TARBP1: variants seen among roughly 807,000 people sequenced by gnomAD.
TARBP1 encodes the protein tRNA guanosine 2 -O-methyltransferase TARBP1.
A neutral mutation model predicts 178.6 loss-of-function variants in TARBP1; 144 were observed. That is an observed-to-expected ratio of 0.81 (90% CI 0.70 to 0.93). The LOEUF (loss-of-function observed/expected upper bound fraction) is 0.93. Ranked by LOEUF, TARBP1 falls within the 40% of genes least tolerant of loss-of-function variation. The pLI is 0.00. For missense variants in TARBP1, 2,067 were observed against 2,011.7 expected, an observed-to-expected ratio of 1.03 and a Z score of -0.53; for synonymous variants, 787 against 781.0, an observed-to-expected ratio of 1.01 and a Z score of -0.13.
chr1:234,474,165 G>C (rs920604657), intron 1 of TARBP1, among the ~76,000 whole-genome samples: 1 of 151,666 alleles, frequency 6.6e-6, no homozygotes, highest in African/African-American at 2.4e-5. Flanking sequence ...GATCACTTGA[G>C]CCCAGTATTT....
At chr1:234,459,073 G>A (rs183563527) in intron 8 of TARBP1, among the ~76,000 whole-genome samples, 157 bp downstream of exon 8, 10 of 152,304 alleles carry the variant, frequency 6.6e-5, no homozygotes, top group African/African-American at 1.9e-4. Flanking sequence ...ACTATTTAGA[G>A]AGATCATATG....
At chr1:234,440,430 T>C (rs1665469636) in intron 12 of TARBP1, among the ~76,000 whole-genome samples, 2 of 148,404 alleles carry the variant, frequency 1.3e-5, no homozygotes, top group South Asian at 4.2e-4. Context: ...GTCAATAAAA[T>C]GATAAACCAC....
intron 5 of TARBP1, among the ~76,000 whole-genome samples, chr1:234,464,972 A>G (rs544944680): frequency 6.6e-6 from 1 of 152,348 alleles, no homozygotes; most frequent in Non-Finnish European, 1.5e-5. Context: ...ACTGTCAGAT[A>G]CGGAAAGGAA....
chr1:234,419,377 ATCAT>A (rs576412095), intron 21 of TARBP1, among the ~76,000 whole-genome samples: 259 of 152,202 alleles, frequency 1.7e-3, no homozygotes, highest in African/African-American at 5.8e-3. Context: ...TTCCACCTCT[ATCAT>A]TCACCACTAG....
intron 11 of TARBP1, among the ~76,000 whole-genome samples, chr1:234,447,646 G>A (rs955470771): frequency 1.1e-4 from 17 of 152,096 alleles, no homozygotes; most frequent in African/African-American, 3.6e-4. Flanking sequence ...GTCTAGAAAA[G>A]AGATTTGATG....
At chr1:234,401,511 G>A (rs188309397) in intron 24 of TARBP1, among the ~76,000 whole-genome samples, 1 of 152,102 alleles carries the variant, frequency 6.6e-6, no homozygotes, top group Admixed American at 6.5e-5. Context: ...TTTTCCAGGA[G>A]AGAAAACCAT....
chr1:234,410,731 G>A lies in TARBP1; in HGVS notation c.3706-200C>T, dbSNP rs527886645. Among the ~76,000 whole-genome samples the A allele has an allele frequency of 2.6e-5, 4 of 152,320 alleles. No individual in the cohort carries two copies. In the East Asian group the frequency reaches 7.7e-4, roughly 29 times the overall value. On this transcript the variant is annotated intron_variant, in intron 22 of 29. Coordinates refer to ENST00000040877, the MANE Select transcript of TARBP1 (RefSeq NM_005646.4). ...AAGGAAATATTTCCTAGAGCCAAAT[G>A]CCAGTGCACACAAAAATCAGCAGGT...
rs1049864703 is a variant in TARBP1, at chr1:234,435,825, A to G, written c.2232+1450T>C. ...GCCAGCATCGCAAAGACCGAAGATCATATCTCTTTCCAACTCAGTGGCCTC... is the reference window on the plus strand; with the variant it reads ...GCCAGCATCGCAAAGACCGAAGATCGTATCTCTTTCCAACTCAGTGGCCTC... On this transcript the variant is annotated intron_variant, in intron 13 of 29. Transcript: ENST00000040877. Among the ~76,000 whole-genome samples the G allele has an allele frequency of 3.9e-5, 6 of 152,200 alleles. 1 individual carries two copies. Among genetic ancestry groups the G allele is most frequent in the African/African-American group, 1.4e-4 (6 of 41,458 alleles).
At position 234,460,515 on chromosome 1, in the gene TARBP1, A is replaced by G. The variant is rs889216410; in HGVS notation, c.1400-119T>C. Reference sequence around the variant, plus strand: ...CATAGTAAGGCTCCACTTCCCACACACTATGATGGCTATAATCTAAAGGAC... The same window carrying G: ...CATAGTAAGGCTCCACTTCCCACACGCTATGATGGCTATAATCTAAAGGAC... On this transcript the variant is annotated intron_variant, in intron 6 of 29. Coordinates refer to ENST00000040877, the MANE Select transcript of TARBP1 (RefSeq NM_005646.4). The G allele has an allele frequency of 1.2e-5, 12 of 1,006,136 alleles. No homozygotes were observed. In the Admixed American group the frequency reaches 2.7e-4, roughly 23 times the overall value. 62.3% of individuals were successfully genotyped at this position (1,006,136 alleles called of 1,614,324 possible).
intron 14 of TARBP1, among the ~76,000 whole-genome samples, chr1:234,431,527 T>C (rs754336118): frequency 3.9e-5 from 6 of 152,254 alleles, no homozygotes; most frequent in African/African-American, 1.4e-4. Flanking sequence ...GTATCTTCTT[T>C]GTTTTTCTTA....
In TARBP1 at chr1:234,405,895, C is replaced by T. The variant is rs1168042385; in HGVS notation, c.3989+8G>A. 5 of 1,612,062 alleles carry T rather than the reference C, an allele frequency of 3.1e-6. No homozygotes were observed. In the East Asian group the frequency reaches 1.1e-4, roughly 36 times the overall value. ...GTGAGGGCGATGAGGTTGACGAGGG[C>T]TCCTTACCCTGCTCCGTGCATGCTT... is the stretch of plus-strand genomic sequence containing the variant. On this transcript the variant is annotated splice_region_variant and intron_variant, in intron 24 of 29. Transcript: ENST00000040877.
intron 9 of TARBP1, among the ~76,000 whole-genome samples, chr1:234,454,293 C>G (rs1188860812): frequency 6.6e-6 from 1 of 152,190 alleles, no homozygotes; most frequent in African/African-American, 2.4e-5. Context: ...AATTGGACAT[C>G]TGACCAAACA....
At position 234,465,699 on chromosome 1, in the gene TARBP1, C is replaced by T. The variant is rs1384772103; in HGVS notation, c.1258G>A (p.Gly420Arg). 9.4e-6 allele frequency: 14 copies of T among 1,491,290 alleles called. No individual in the cohort carries two copies. Among genetic ancestry groups the T allele is most frequent in the Admixed American group, 2.3e-5 (1 of 44,000 alleles). 92.4% of individuals were successfully genotyped at this position (1,491,290 alleles called of 1,614,324 possible). ...FSPEFSEFII[G>R]PLMDALSESS... ...TCTGAAAGCGCATCCATTAATGGTC[C>T]AATAATAAACTAAAAAAAAAAAAAA... The change falls in exon 5 of 30, where the codon GGA (glycine) becomes AGA (arginine). Residue 420 changes from glycine (G) to arginine (R), a missense_variant. Coordinates refer to ENST00000040877, the MANE Select transcript of TARBP1 (RefSeq NM_005646.4).
At chr1:234,398,325 CA>C in intron 26 of TARBP1, 56 bp downstream of exon 26, 7 of 1,452,764 alleles carry the variant, frequency 4.8e-6, no homozygotes, top group South Asian at 1.5e-5. Context: ...TAACTTAAAT[CA>C]AAAAAATCTA....
intron 9 of TARBP1, among the ~76,000 whole-genome samples, chr1:234,452,390 T>C (rs976973259): frequency 2.6e-5 from 4 of 152,064 alleles, no homozygotes; most frequent in Non-Finnish European, 2.9e-5. Flanking sequence ...AGAAAACACA[T>C]AACCTAATTC....
In TARBP1 at chr1:234,472,743, A is replaced by C; in HGVS notation, c.1000T>G (p.Leu334Val). ...TTTCCTTCTAAAGTCTCCATAATTA[A>C]AATATAATTTTCCCAAAACTTTAGA... ...ELLKFWENYI[L>V]IMETLEGNQI... is the part of the protein sequence containing the mutation. Residue 334 changes from leucine (L) to valine (V), a missense_variant, in exon 2 of 30, where the codon TTA becomes GTA. Transcript: ENST00000040877. 17 of 1,603,992 alleles carry C rather than the reference A, an allele frequency of 1.1e-5. No individual in the cohort carries two copies. Among genetic ancestry groups the C allele is most frequent in the Middle Eastern group, 1.7e-4 (1 of 6,036 alleles).
intron 1 of TARBP1, among the ~76,000 whole-genome samples, chr1:234,475,756 CCT>C (rs1368980354): frequency 1.3e-5 from 2 of 152,228 alleles, no homozygotes; most frequent in African/African-American, 2.4e-5. Context: ...GCAGTCTACC[CCT>C]GAGGGAGGGA....
intron 9 of TARBP1, among the ~76,000 whole-genome samples, chr1:234,450,894 C>T (rs1166997608): frequency 6.6e-6 from 1 of 151,758 alleles, no homozygotes; most frequent in Non-Finnish European, 1.5e-5. Flanking sequence ...TCTAATGTAC[C>T]TTATATAAAA....
chr1:234,401,067 G>T, intron 25 of TARBP1, 114 bp downstream of exon 25: 1 of 737,774 alleles, frequency 1.4e-6, no homozygotes, highest in Non-Finnish European at 2.2e-6. Context: ...TTAAGGTGAT[G>T]TTTGTAAGCA....
Sources: gnomAD v4.1 joint callset for allele counts (sites outside exome capture counted in the v4.1 genomes callset) on GRCh38, gnomAD v4.1.1 for gene constraint, MANE v1.5 for transcripts, NCBI Gene and HGNC (gene_info 2026-07-23, HGNC 2026-07-21) for gene names.